The following NUDT9 variants were observed in gnomAD, a reference collection of about 807,000 sequenced individuals.
NUDT9 encodes the protein ADP-ribose pyrophosphatase.
In NUDT9, 31 loss-of-function variants were observed where a neutral mutation model predicts 41.0. That is an observed-to-expected ratio of 0.76 (90% CI 0.57 to 1.02). The LOEUF (loss-of-function observed/expected upper bound fraction) is 1.02, where lower values mean the gene tolerates loss of function less well. Ranked by LOEUF, NUDT9 falls within the 50% of genes least tolerant of loss-of-function variation. The pLI, the probability that NUDT9 is intolerant of heterozygous loss-of-function variation, is 0.00. For missense variants in NUDT9, 380 were observed against 431.4 expected (o/e 0.88, Z 1.06); for synonymous variants, 146 against 147.6 (o/e 0.99, Z 0.08).
chr4:87,422,821 C>A lies in NUDT9; in HGVS notation c.-85C>A. ...CCTAGTGCCCATCAGATACCCGCGG[C>A]CGGGACTCGGAGCTGTGGGGTGTGG... On this transcript the variant is annotated 5_prime_UTR_variant, in exon 1 of 8. Coordinates refer to ENST00000302174, the MANE Select transcript of NUDT9 (RefSeq NM_024047.5). 1 of 1,012,044 alleles carries A rather than the reference C, an allele frequency of 9.9e-7. No individual in the cohort carries two copies. The highest frequency in any genetic ancestry group is 1.5e-6 in the Non-Finnish European group (1 of 677,342). 62.7% of individuals were successfully genotyped at this position (1,012,044 alleles called of 1,614,324 possible).
Position 87,450,384 on chromosome 4 carries a change from T to C in NUDT9, c.642+1131T>C, listed in dbSNP as rs529517495. 9.9e-3 allele frequency among the ~76,000 whole-genome samples: 1,408 copies of C among 142,642 alleles called. 18 individuals are homozygous for C. The highest frequency in any genetic ancestry group is 0.03 in the African/African-American group (1,154 of 37,902). The allele number at this position is 142,642 out of a possible 152,430, so 93.6% of individuals were successfully genotyped here. On this transcript the variant is annotated intron_variant, in intron 5 of 7. Coordinates refer to ENST00000302174, the MANE Select transcript of NUDT9 (RefSeq NM_024047.5). ...CTAATTTCTTTTTCTTTTTCTTTTT[T>C]TTTTTTTTTTTTTTGAGACGGAGTC...
intron 4 of NUDT9, among the ~76,000 whole-genome samples, chr4:87,447,358 T>C (rs1306824321): frequency 1.3e-5 from 2 of 152,202 alleles, no homozygotes; most frequent in South Asian, 2.1e-4. Context: ...ATGGTAGATA[T>C]GGTAGTCAGC....
intron 5 of NUDT9, among the ~76,000 whole-genome samples, chr4:87,450,378 C>CTTTTTTT (rs59228872): frequency 1.4e-3 from 146 of 102,302 alleles, no homozygotes; most frequent in Non-Finnish European, 1.8e-3. Flanking sequence ...TTTTCTTTTT[C>CTTTTTTT]TTTTTTTTTT....
rs1722140545 is a variant in NUDT9 at position 87,440,136 on chromosome 4, A to G, written c.444-1693A>G. ...GATACAATTATAAAAATATTATGAA[A>G]AGATAGGTAAGATATATAGATGGAA... On this transcript the variant is annotated intron_variant, in intron 3 of 7. Transcript: ENST00000302174. Among the ~76,000 whole-genome samples the G allele has an allele frequency of 2.0e-5, 3 of 152,198 alleles. No homozygotes were observed. The South Asian group carries it at 6.2e-4, about 32-fold the overall frequency.
Position 87,451,752 on chromosome 4 carries a change from C to A in NUDT9, c.789+17C>A. ...CACCTAGTGGTAAGAAATAGTGTTT[C>A]TGGGAGGGATTTAGTTCTGTGGATT... On this transcript the variant is annotated intron_variant, in intron 6 of 7. Transcript: ENST00000302174. The A allele has an allele frequency of 6.2e-7, 1 of 1,609,564 alleles. No individual in the cohort carries two copies. The highest frequency in any genetic ancestry group is 8.5e-7 in the Non-Finnish European group (1 of 1,177,822).
At chr4:87,449,401 A>G in intron 5 of NUDT9, 148 bp downstream of exon 5, 1 of 576,540 alleles carries the variant, frequency 1.7e-6, no homozygotes, top group South Asian at 2.0e-5. Flanking sequence ...CCCTGCATGA[A>G]GTGTCATTGT....
chr4:87,452,917 T>G (rs1406307972), intron 6 of NUDT9, among the ~76,000 whole-genome samples: 1 of 150,606 alleles, frequency 6.6e-6, no homozygotes, highest in Non-Finnish European at 1.5e-5. Context: ...GTTCAAGTGA[T>G]TCTCCTGCCT....
At chr4:87,453,849 C>T (rs1057066966) in intron 6 of NUDT9, among the ~76,000 whole-genome samples, 6 of 147,620 alleles carry the variant, frequency 4.1e-5, no homozygotes, top group African/African-American at 1.2e-4. Flanking sequence ...TTCTTTTTTT[C>T]TTTCTTTCTT....
In NUDT9 at chr4:87,435,319, T is replaced by C. The variant is rs1721881545; in HGVS notation, c.347+99T>C. 11 of 1,338,634 alleles carry C rather than the reference T, an allele frequency of 8.2e-6. No individual in the cohort carries two copies. The Admixed American group carries it at 2.6e-4, about 31-fold the overall frequency. 82.9% of individuals were successfully genotyped at this position (1,338,634 alleles called of 1,614,324 possible). ...TTTTGACACCTGAAAATAATTTCAA[T>C]CTATGCTTAGCTGTGTTATAACTCA... On this transcript the variant is annotated intron_variant, in intron 2 of 7. Coordinates refer to ENST00000302174, the MANE Select transcript of NUDT9 (RefSeq NM_024047.5).
chr4:87,429,644 C>G (rs1263206882), intron 1 of NUDT9, among the ~76,000 whole-genome samples: 4 of 150,170 alleles, frequency 2.7e-5, no homozygotes, highest in Non-Finnish European at 5.9e-5. Context: ...TTTTTCTTAT[C>G]CTTTCTTGCA....
chr4:87,456,468 G>A (rs1206505529), intron 7 of NUDT9, among the ~76,000 whole-genome samples: 1 of 152,050 alleles, frequency 6.6e-6, no homozygotes, highest in Non-Finnish European at 1.5e-5. Context: ...TTTGAAATTG[G>A]TTACCTTTCC....
chr4:87,428,826 C>G (rs1321631883), intron 1 of NUDT9, among the ~76,000 whole-genome samples: 1 of 152,132 alleles, frequency 6.6e-6, no homozygotes, highest in Non-Finnish European at 1.5e-5. Flanking sequence ...CATGCATAGC[C>G]TCCCGCATTG....
chr4:87,449,161 G>A lies in NUDT9; in HGVS notation c.550G>A (p.Gly184Arg). The A allele has an allele frequency of 1.2e-6, 2 of 1,600,822 alleles. No individual in the cohort carries two copies. Among genetic ancestry groups the A allele is most frequent in the Non-Finnish European group, 1.7e-6 (2 of 1,168,212 alleles). Reference sequence around the variant, plus strand: ...TCACAGATGGAAAAGGGATAGCAGTGGAAATAAAATCATGCATCCTGTTTC... The same window carrying A: ...TCACAGATGGAAAAGGGATAGCAGTAGAAATAAAATCATGCATCCTGTTTC... ...IITRWKRDSS[G>R]NKIMHPVSGK... Residue 184 changes from glycine to arginine, a missense_variant, in exon 5 of 8, where the codon GGA becomes AGA. Physicochemically the swap from Gly to Arg is moderately radical, Grantham distance 125. Transcript: ENST00000302174.
rs191535349 is a variant in NUDT9 at position 87,437,577 on chromosome 4, T to C, written c.348-700T>C. Among the ~76,000 whole-genome samples, 908 of 148,024 alleles carry C rather than the reference T, an allele frequency of 6.1e-3. 49 individuals carry two copies. Among genetic ancestry groups the C allele is most frequent in the African/African-American group, 0.02 (739 of 37,712 alleles). ...CAGGATGGTCTTGATCTCCTGACCTTGTGATCTGCCCACCTTGGCCTCCCA... is the reference window on the plus strand; with the variant it reads ...CAGGATGGTCTTGATCTCCTGACCTCGTGATCTGCCCACCTTGGCCTCCCA... On this transcript the variant is annotated intron_variant, in intron 2 of 7. Coordinates refer to ENST00000302174, the MANE Select transcript of NUDT9 (RefSeq NM_024047.5).
Position 87,422,753 on chromosome 4 carries a change from T to C in NUDT9, c.-153T>C, listed in dbSNP as rs1721184914. Reference sequence around the variant, plus strand: ...GGGCTCTTGATCTGTGATTTATAGATAGGCACAGCTACTCCCGTTCGGGAA... The same window carrying C: ...GGGCTCTTGATCTGTGATTTATAGACAGGCACAGCTACTCCCGTTCGGGAA... On this transcript the variant is annotated 5_prime_UTR_variant, in exon 1 of 8. Transcript: ENST00000302174. The C allele has an allele frequency of 5.3e-6, 3 of 561,220 alleles. No homozygotes were observed. Among genetic ancestry groups the C allele is most frequent in the Non-Finnish European group, 9.4e-6 (3 of 319,438 alleles). The allele number at this position is 561,220 out of a possible 1,614,324, so 34.8% of individuals were successfully genotyped here.
At chr4:87,430,536 T>A (rs1721641561) in intron 1 of NUDT9, among the ~76,000 whole-genome samples, 1 of 152,198 alleles carries the variant, frequency 6.6e-6, no homozygotes, top group Non-Finnish European at 1.5e-5. Context: ...GAAATACAAA[T>A]TGTTTGATGT....
intron 3 of NUDT9, among the ~76,000 whole-genome samples, chr4:87,440,242 T>A (rs1465319366): frequency 6.6e-6 from 1 of 152,198 alleles, no homozygotes; most frequent in Non-Finnish European, 1.5e-5. Flanking sequence ...AAAGTAAAAT[T>A]TATTTTAAGG....
rs1326242032 is a variant in NUDT9, at chr4:87,458,337, AT to A, written c.*317del. ...TAATCAGAATAAAGATAAATTCTTGATCAGCTATAACTTCTGTTTCATCTAG... is the reference window on the plus strand; with the variant it reads ...TAATCAGAATAAAGATAAATTCTTGACAGCTATAACTTCTGTTTCATCTAG... On this transcript the variant is annotated 3_prime_UTR_variant, in exon 8 of 8. Coordinates refer to ENST00000302174, the MANE Select transcript of NUDT9 (RefSeq NM_024047.5). 1.0e-5 allele frequency: 2 copies of A among 190,938 alleles called. No homozygotes were observed. Among genetic ancestry groups the A allele is most frequent in the African/African-American group, 4.6e-5 (2 of 43,026 alleles). The allele number at this position is 190,938 out of a possible 1,614,324, so 11.8% of individuals were successfully genotyped here.
intron 7 of NUDT9, among the ~76,000 whole-genome samples, chr4:87,455,822 T>A (rs61129437): frequency 0.022 from 3,389 of 151,906 alleles, 139 homozygotes; most frequent in African/African-American, 0.077. Context: ...CCACCATGCC[T>A]GGCTAATTTT....
Sources: gnomAD v4.1 joint callset for allele counts (sites outside exome capture counted in the v4.1 genomes callset) on GRCh38, gnomAD v4.1.1 for gene constraint, MANE v1.5 for transcripts, NCBI Gene and HGNC (gene_info 2026-07-23, HGNC 2026-07-21) for gene names.